Variants in ODAD2 observed in about 807,000 individuals in gnomAD.
ODAD2 encodes outer dynein arm-docking complex subunit 2.
In ODAD2, 89 loss-of-function variants were observed where a neutral mutation model predicts 106.8. The observed-to-expected ratio is 0.83, with a 90% CI of 0.70 to 0.99. The LOEUF is 0.99. Ranked by LOEUF, ODAD2 falls within the 50% of genes least tolerant of loss-of-function variation. The pLI is 0.00. For synonymous variants in ODAD2, 404 were observed against 436.2 expected (o/e 0.93, Z 0.92); for missense variants, 1,168 against 1,238.5 (o/e 0.94, Z 0.85).
At chr10:27,862,006 A>T (rs11006747) in intron 18 of ODAD2, among the ~76,000 whole-genome samples, 1 of 152,012 alleles carries the variant, frequency 6.6e-6, no homozygotes, top group Admixed American at 6.6e-5. Flanking sequence ...ATAAACAATG[A>T]AATGATTGCC....
At chr10:27,845,863 G>A (rs1437463491) in intron 19 of ODAD2, among the ~76,000 whole-genome samples, 1 of 152,190 alleles carries the variant, frequency 6.6e-6, no homozygotes, top group Non-Finnish European at 1.5e-5. Flanking sequence ...AATTCAACAA[G>A]AAGAGCTAAC....
chr10:27,878,961 A>C (rs1841531374), intron 17 of ODAD2, among the ~76,000 whole-genome samples: 1 of 152,200 alleles, frequency 6.6e-6, no homozygotes, highest in Non-Finnish European at 1.5e-5. Context: ...CTTGTGAACC[A>C]AAGGAAAGGA....
rs1249992595 is a variant in ODAD2 at position 27,969,551 on chromosome 10, C to T, written c.1143-533G>A. On this transcript the variant is annotated intron_variant, in intron 8 of 19. Coordinates refer to ENST00000305242, the MANE Select transcript of ODAD2 (RefSeq NM_018076.5). ...CATGCATTTTTCATTTTCACATTGA[C>T]TCTTTCAAACAGAGCCACAAAAGTC... 5.3e-5 allele frequency among the ~76,000 whole-genome samples: 8 copies of T among 152,364 alleles called. No homozygotes were observed. The South Asian group carries it at 1.2e-3, about 24-fold the overall frequency.
chr10:27,868,601 T>C (rs1052774602), intron 17 of ODAD2, among the ~76,000 whole-genome samples: 20 of 152,160 alleles, frequency 1.3e-4, no homozygotes, highest in Admixed American at 1.2e-3. Context: ...AAACAACACG[T>C]GTTCTCACTC....
chr10:27,870,521 C>G (rs1213506774), intron 17 of ODAD2, among the ~76,000 whole-genome samples: 1 of 151,974 alleles, frequency 6.6e-6, no homozygotes, highest in Non-Finnish European at 1.5e-5. Context: ...AACCCCATGA[C>G]AGGCCCCAGT....
intron 16 of ODAD2, among the ~76,000 whole-genome samples, chr10:27,921,241 C>A (rs1438712708): frequency 6.6e-6 from 1 of 151,422 alleles, no homozygotes; most frequent in East Asian, 1.9e-4. Context: ...GCTGCAGTGA[C>A]CCCTCATCAT....
At chr10:27,850,995 A>C (rs2133224104) in intron 19 of ODAD2, among the ~76,000 whole-genome samples, 1 of 152,282 alleles carries the variant, frequency 6.6e-6, no homozygotes, top group Admixed American at 6.5e-5. Flanking sequence ...GAGATTGGGG[A>C]GTGGAACAGA....
intron 9 of ODAD2, 119 bp downstream of exon 9, chr10:27,968,804 T>C: frequency 3.1e-6 from 1 of 327,294 alleles, no homozygotes; most frequent in Non-Finnish European, 5.6e-6. Flanking sequence ...ACATTCCTAG[T>C]AACCGTCAGT....
intron 7 of ODAD2, among the ~76,000 whole-genome samples, chr10:27,980,435 A>C (rs1016768678): frequency 7.2e-5 from 11 of 152,158 alleles, no homozygotes; most frequent in Admixed American, 7.2e-4. Context: ...CAAACCTTCT[A>C]TCTGATAAGG....
chr10:27,926,252 T>G (rs1845253889), intron 16 of ODAD2, among the ~76,000 whole-genome samples: 2 of 152,050 alleles, frequency 1.3e-5, no homozygotes, highest in Non-Finnish European at 2.9e-5. Flanking sequence ...AACCATAGTT[T>G]ATCAAACATT....
At position 27,936,854 on chromosome 10, in the gene ODAD2, G is replaced by A. The variant is rs751168097; in HGVS notation, c.2124C>T (p.Asp708=). The A allele has an allele frequency of 7.4e-6, 12 of 1,611,716 alleles. No homozygotes were observed. Among genetic ancestry groups the A allele is most frequent in the Non-Finnish European group, 1.0e-5 (12 of 1,179,248 alleles). Residue 708 remains aspartate, a synonymous_variant, in exon 15 of 20, where the codon GAC becomes GAT. Coordinates refer to ENST00000305242, the MANE Select transcript of ODAD2 (RefSeq NM_018076.5). ...TAAGTCCTCCGTGCAGCCTAACGAG[G>A]TCCCGGGTTTCCTTATCTTCAGCAC... is the stretch of plus-strand genomic sequence containing the variant. ...YQCAEDKETR[D]LVRLHGGLKP...
intron 16 of ODAD2, among the ~76,000 whole-genome samples, chr10:27,923,318 C>T (rs1333009249): frequency 1.4e-5 from 2 of 141,974 alleles, no homozygotes; most frequent in African/African-American, 5.2e-5. Flanking sequence ...ATATATCAAG[C>T]AAATGGAAAC....
At chr10:27,949,963 T>C (rs1446753387) in intron 10 of ODAD2, among the ~76,000 whole-genome samples, 1 of 152,116 alleles carries the variant, frequency 6.6e-6, no homozygotes, top group Non-Finnish European at 1.5e-5. Context: ...TCATTTGAAG[T>C]TATTATCAGA....
chr10:27,982,588 C>T (rs1368846482), intron 6 of ODAD2, among the ~76,000 whole-genome samples: 1 of 152,128 alleles, frequency 6.6e-6, no homozygotes, highest in Non-Finnish European at 1.5e-5. Context: ...ATAAGAAAAG[C>T]ACCAAAAGGC....
In ODAD2 at chr10:27,860,282, T is replaced by C. The variant is rs375657695; in HGVS notation, c.3021+343A>G. Among the ~76,000 whole-genome samples the C allele has an allele frequency of 5.3e-5, 8 of 151,908 alleles. No homozygotes were observed. The East Asian group carries it at 1.4e-3, about 26-fold the overall frequency. On this transcript the variant is annotated intron_variant, in intron 19 of 19. Transcript: ENST00000305242. ...GCCAGGGCAGCATGGCAAGACCCTGTCTGTATACAAAATTAAAAGAATTAG... is the reference window on the plus strand; with the variant it reads ...GCCAGGGCAGCATGGCAAGACCCTGCCTGTATACAAAATTAAAAGAATTAG...
At chr10:27,862,322 A>AT in intron 18 of ODAD2, 112 bp downstream of exon 18, 1 of 708,216 alleles carries the variant, frequency 1.4e-6, no homozygotes. Context: ...CTCATAAGCA[A>AT]TGGGTATTAA....
At chr10:27,934,526 A>G (rs1845828281) in intron 16 of ODAD2, among the ~76,000 whole-genome samples, 1 of 151,482 alleles carries the variant, frequency 6.6e-6, no homozygotes, top group African/African-American at 2.4e-5. Flanking sequence ...TTGTTCTTAA[A>G]TTGTCTTTTC....
chr10:27,963,311 C>T (rs1430608866), intron 9 of ODAD2, among the ~76,000 whole-genome samples: 1 of 151,844 alleles, frequency 6.6e-6, no homozygotes, highest in Non-Finnish European at 1.5e-5. Flanking sequence ...CCGGCCTGTC[C>T]CAGGCACTTT....
At chr10:27,818,424 A>C (rs987517408) in intron 19 of ODAD2, among the ~76,000 whole-genome samples, 1 of 152,126 alleles carries the variant, frequency 6.6e-6, no homozygotes, top group African/African-American at 2.4e-5. Context: ...TGTTATACAA[A>C]ATATAGCAGA....
Sources: gnomAD v4.1 joint callset for allele counts (sites outside exome capture counted in the v4.1 genomes callset) on GRCh38, gnomAD v4.1.1 for gene constraint, MANE v1.5 for transcripts, NCBI Gene and HGNC (gene_info 2026-07-23, HGNC 2026-07-21) for gene names.